FYN: variants seen among roughly 807,000 people sequenced by gnomAD.
FYN encodes FYN proto-oncogene, Src family tyrosine kinase.
In FYN, 10 loss-of-function variants were observed where a neutral mutation model predicts 70.2. The observed-to-expected ratio is 0.14, with a 90% confidence interval of 0.09 to 0.24. The LOEUF is 0.24. FYN is among the 10% of genes least tolerant of loss of function. FYN has a pLI of 1.00. For missense variants in FYN, 319 were observed against 673.1 expected (o/e 0.47, Z 5.82); for synonymous variants, 236 against 248.6 (o/e 0.95, Z 0.48).
At chr6:111,832,775 C>G (rs1773061654) in intron 2 of FYN, among the ~76,000 whole-genome samples, 1 of 152,090 alleles carries the variant, frequency 6.6e-6, no homozygotes, top group South Asian at 2.1e-4. Flanking sequence ...CTGTCACCAT[C>G]AAAGTTTCAA....
At chr6:111,771,640 T>C (rs945009057) in intron 3 of FYN, among the ~76,000 whole-genome samples, 11 of 152,222 alleles carry the variant, frequency 7.2e-5, no homozygotes, top group African/African-American at 2.7e-4. Flanking sequence ...AAACAAAGCC[T>C]TGGCCTACCC....
intron 1 of FYN, among the ~76,000 whole-genome samples, chr6:111,872,226 T>G (rs936013993): frequency 6.6e-6 from 1 of 151,798 alleles, no homozygotes; most frequent in Admixed American, 6.6e-5. Context: ...CCTCCGCCTG[T>G]GGCCGCAGAG....
chr6:111,701,589 A>G (rs1583329176), intron 8 of FYN, among the ~76,000 whole-genome samples: 4 of 152,214 alleles, frequency 2.6e-5, no homozygotes, highest in Admixed American at 2.0e-4. Context: ...AAAAGTGTCT[A>G]TTGTTCATAT....
At chr6:111,840,661 C>T (rs568974620) in intron 2 of FYN, among the ~76,000 whole-genome samples, 1 of 152,110 alleles carries the variant, frequency 6.6e-6, no homozygotes. Context: ...GCAGTAATAA[C>T]CTTTTAAAGG....
At chr6:111,725,356 C>T (rs374282217) in intron 3 of FYN, among the ~76,000 whole-genome samples, 133 of 152,328 alleles carry the variant, frequency 8.7e-4, no homozygotes, top group African/African-American at 3.2e-3. Flanking sequence ...CCTAATTTCC[C>T]AGCACCTTTC....
chr6:111,738,018 A>G (rs538365809), intron 3 of FYN, among the ~76,000 whole-genome samples: 1 of 152,292 alleles, frequency 6.6e-6, no homozygotes, highest in East Asian at 1.9e-4. Context: ...TTTTCAACCT[A>G]AACAACACAA....
rs71021858 is a variant in FYN at position 111,673,622 on chromosome 6, G to GTTTTTTTTTTTTTTTTTTTTT, written c.1405+876_1405+877insAAAAAAAAAAAAAAAAAAAAA. Among the ~76,000 whole-genome samples the GTTTTTTTTTTTTTTTTTTTTT allele has an allele frequency of 1.2e-4, 14 of 116,584 alleles. 1 individual carries two copies. Among genetic ancestry groups the GTTTTTTTTTTTTTTTTTTTTT allele is most frequent in the East Asian group, 2.6e-4 (1 of 3,790 alleles). 76.5% of individuals were successfully genotyped at this position (116,584 alleles called of 152,430 possible). The stretch of plus-strand genomic sequence containing the variant: ...AATCGTCACTATCGTTTCTATCATT[G>GTTTTTTTTTTTTTTTTTTTTT]TTTTTTTTTTTTTTTTTTTCTTTAA... On this transcript the variant is annotated intron_variant, in intron 13 of 13. Transcript: ENST00000354650.
chr6:111,799,824 C>T (rs1416457447), intron 2 of FYN, among the ~76,000 whole-genome samples: 1 of 152,254 alleles, frequency 6.6e-6, no homozygotes, highest in Middle Eastern at 3.4e-3. Context: ...CATGCCTTGT[C>T]CACCCTTGTT....
intron 2 of FYN, among the ~76,000 whole-genome samples, chr6:111,819,686 C>T (rs886465289): frequency 3.3e-5 from 5 of 152,080 alleles, no homozygotes; most frequent in Non-Finnish European, 1.5e-5. Flanking sequence ...TTACTACTTA[C>T]TTTGTGTTTG....
intron 12 of FYN, among the ~76,000 whole-genome samples, chr6:111,686,455 G>A (rs1799010805): frequency 6.6e-6 from 1 of 152,102 alleles, no homozygotes; most frequent in African/African-American, 2.4e-5. Flanking sequence ...CAGCCCTCAG[G>A]ATGATAGACT....
chr6:111,772,552 ACTT>A (rs997305868), intron 3 of FYN, among the ~76,000 whole-genome samples: 3 of 152,168 alleles, frequency 2.0e-5, no homozygotes, highest in South Asian at 2.1e-4. Context: ...GAACAAGGTG[ACTT>A]CTTCTGCTCC....
At chr6:111,872,897 G>GGGCGCCGGC (rs1483260319) in intron 1 of FYN, 71 bp downstream of exon 1, 1 of 150,812 alleles carries the variant, frequency 6.6e-6, no homozygotes, top group Non-Finnish European at 1.5e-5. Context: ...GCGTGCGCGG[G>GGGCGCCGGC]GGCGCCGGCG....
chr6:111,703,575 G>T (rs1161958092), intron 7 of FYN, among the ~76,000 whole-genome samples: 1 of 152,202 alleles, frequency 6.6e-6, no homozygotes, highest in African/African-American at 2.4e-5. Flanking sequence ...CTTGTGGGTT[G>T]TAAGGAGTTG....
chr6:111,747,547 A>G (rs983363027), intron 3 of FYN, among the ~76,000 whole-genome samples: 1 of 152,180 alleles, frequency 6.6e-6, no homozygotes, highest in African/African-American at 2.4e-5. Context: ...GAAACACATT[A>G]TTTGGGTCAG....
chr6:111,872,364 AGAG>A (rs1441018010), intron 1 of FYN, among the ~76,000 whole-genome samples: 6 of 125,306 alleles, frequency 4.8e-5, no homozygotes, highest in African/African-American at 1.8e-4. Flanking sequence ...GGACAGAGGA[AGAG>A]GAGGGAAGGC....
chr6:111,775,303 G>C (rs1562516238), intron 3 of FYN, among the ~76,000 whole-genome samples: 1 of 152,198 alleles, frequency 6.6e-6, no homozygotes, highest in Non-Finnish European at 1.5e-5. Context: ...GCAAATACTT[G>C]GGTGATTGTA....
chr6:111,757,969 CA>C (rs923711888), intron 3 of FYN, among the ~76,000 whole-genome samples: 28 of 151,430 alleles, frequency 1.8e-4, no homozygotes, highest in East Asian at 1.2e-3. Context: ...AATGAAGTGA[CA>C]AAAAAAATGA....
chr6:111,700,488 C>T (rs972868894), intron 8 of FYN, among the ~76,000 whole-genome samples: 6 of 152,136 alleles, frequency 3.9e-5, no homozygotes, highest in Non-Finnish European at 5.9e-5. Flanking sequence ...GAAGATCAGA[C>T]GCCACACACG....
chr6:111,681,131 A>G lies in FYN; in HGVS notation c.1274-6501T>C, dbSNP rs150626238. Among the ~76,000 whole-genome samples, 414 of 151,326 alleles carry G rather than the reference A, an allele frequency of 2.7e-3. 4 individuals are homozygous for G. Among genetic ancestry groups the G allele is most frequent in the African/African-American group, 9.8e-3 (402 of 41,194 alleles). On this transcript the variant is annotated intron_variant, in intron 12 of 13. Transcript: ENST00000354650. ...CAACCTCCACCTCATGGGTACAAGC[A>G]ATTCTCCTGTCTCAGCCTCCTGAGT...
Sources: gnomAD v4.1 joint callset for allele counts (sites outside exome capture counted in the v4.1 genomes callset) on GRCh38, gnomAD v4.1.1 for gene constraint, MANE v1.5 for transcripts, NCBI Gene and HGNC (gene_info 2026-07-23, HGNC 2026-07-21) for gene names.